The following WIPI1 variants were observed in gnomAD, a reference collection of about 807,000 sequenced individuals.
The protein encoded by WIPI1 is WD repeat domain, phosphoinositide interacting 1, also known as WD repeat domain phosphoinositide-interacting protein 1.
In WIPI1, 45 loss-of-function variants were observed where a neutral mutation model predicts 55.3. The ratio of observed to expected loss-of-function variants is 0.81; its 90% CI spans 0.64 to 1.04. The LOEUF (loss-of-function observed/expected upper bound fraction) is 1.04. WIPI1 is among the 50% of genes least tolerant of loss of function. WIPI1 has a pLI of 0.00. For synonymous variants in WIPI1, 195 were observed against 217.6 expected (o/e 0.90, Z 0.92); for missense variants, 445 against 559.0 (o/e 0.80, Z 2.06).
Position 68,444,500 on chromosome 17 carries a change from G to A in WIPI1, c.423C>T (p.Asn141=), listed in dbSNP as rs1298255095. The change falls in exon 4 of 13, where the codon AAC becomes AAT. Residue 141 remains asparagine (N), a synonymous_variant. Coordinates refer to ENST00000262139, the MANE Select transcript of WIPI1 (RefSeq NM_017983.7). Reference sequence around the variant, plus strand: ...TCCATTTTTGGAGCTCACCTGTTGGGTTTGCAGGAATATCCAGGAGGGTCT... The same window carrying A: ...TCCATTTTTGGAGCTCACCTGTTGGATTTGCAGGAATATCCAGGAGGGTCT... ...LLKTLLDIPA[N]PTGLCALSIN... 1 of 1,613,254 alleles carries A rather than the reference G, an allele frequency of 6.2e-7. No homozygotes were observed. The highest frequency in any genetic ancestry group is 8.5e-7 in the Non-Finnish European group (1 of 1,179,700).
At chr17:68,433,697 C>G (rs979183545) in intron 7 of WIPI1, 122 bp from the exon 8 acceptor site, 1 of 580,832 alleles carries the variant, frequency 1.7e-6, no homozygotes, top group African/African-American at 1.9e-5. Context: ...AGACCCAGAT[C>G]CCTTAAACAC....
intron 3 of WIPI1, among the ~76,000 whole-genome samples, chr17:68,449,708 C>T (rs896880745): frequency 1.3e-5 from 2 of 152,222 alleles, no homozygotes; most frequent in African/African-American, 4.8e-5. Flanking sequence ...GAGCCCTCCC[C>T]AGAAGCAGAT....
At chr17:68,449,085 T>TA (rs1009484555) in intron 3 of WIPI1, among the ~76,000 whole-genome samples, 17 of 152,106 alleles carry the variant, frequency 1.1e-4, no homozygotes, top group Admixed American at 5.2e-4. Flanking sequence ...TCTCATTTGT[T>TA]AAAAAAAATT....
At position 68,436,997 on chromosome 17, in the gene WIPI1, AAAAAAAAAAT is replaced by A. The variant is rs1297249311; in HGVS notation, c.431-528_431-519del. Reference sequence around the variant, plus strand: ...CTACAGAGTGAGACCCCGTCTCAAAAAAAAAAAAATATATATATATGTGTGTGTGTGTGTG... The same window carrying A: ...CTACAGAGTGAGACCCCGTCTCAAAAATATATATATGTGTGTGTGTGTGTG... On this transcript the variant is annotated intron_variant, in intron 4 of 12. Coordinates refer to ENST00000262139, the MANE Select transcript of WIPI1 (RefSeq NM_017983.7). Among the ~76,000 whole-genome samples, 16 of 59,002 alleles carry A rather than the reference AAAAAAAAAAT, an allele frequency of 2.7e-4. No homozygotes were observed. In the South Asian group the frequency reaches 5.1e-3, roughly 19 times the overall value. 38.7% of individuals were successfully genotyped at this position (59,002 alleles called of 152,430 possible). A position where few individuals can be genotyped will look rare whatever the true frequency, so the allele number is the denominator to read the frequency against.
chr17:68,422,264 A>G (rs1156887862), intron 12 of WIPI1: 1 of 160,492 alleles, frequency 6.2e-6, no homozygotes, highest in Non-Finnish European at 1.4e-5. Context: ...CATCGCTACT[A>G]AAAAATACAA....
At chr17:68,430,813 A>C (rs1435251667) in intron 8 of WIPI1, among the ~76,000 whole-genome samples, 1 of 152,200 alleles carries the variant, frequency 6.6e-6, no homozygotes, top group Non-Finnish European at 1.5e-5. Context: ...AGAGGGTGGC[A>C]CATTGAGAAC....
At chr17:68,455,547 T>C (rs566813873) in intron 1 of WIPI1, among the ~76,000 whole-genome samples, 2 of 152,294 alleles carry the variant, frequency 1.3e-5, no homozygotes, top group South Asian at 4.1e-4. Flanking sequence ...AGTAAGGGGC[T>C]TGACTTATTT....
chr17:68,432,348 C>A (rs926337684), intron 8 of WIPI1, among the ~76,000 whole-genome samples: 11 of 152,210 alleles, frequency 7.2e-5, no homozygotes, highest in African/African-American at 2.7e-4. Flanking sequence ...CTTTCTCCAA[C>A]TGGTGGCAGA....
intron 11 of WIPI1, among the ~76,000 whole-genome samples, chr17:68,426,816 T>C (rs749815453): frequency 3.9e-5 from 6 of 152,190 alleles, no homozygotes; most frequent in Non-Finnish European, 8.8e-5. Flanking sequence ...ATTACAGGTG[T>C]GAGCCAATGT....
intron 5 of WIPI1, among the ~76,000 whole-genome samples, 178 bp downstream of exon 5, chr17:68,436,204 G>A (rs1415897798): frequency 1.3e-5 from 2 of 152,186 alleles, no homozygotes; most frequent in Non-Finnish European, 2.9e-5. Flanking sequence ...GGCTTATGGT[G>A]AGGTTGACTC....
intron 11 of WIPI1, 91 bp downstream of exon 11, chr17:68,427,044 C>T (rs866298744): frequency 1.2e-5 from 13 of 1,064,548 alleles, no homozygotes; most frequent in South Asian, 9.6e-5. Flanking sequence ...CCCCAGGTAA[C>T]AGTGAAGGGG....
intron 4 of WIPI1, among the ~76,000 whole-genome samples, chr17:68,444,222 T>C (rs1434666037): frequency 6.6e-6 from 1 of 152,222 alleles, no homozygotes; most frequent in East Asian, 1.9e-4. Flanking sequence ...ATGTCTACCT[T>C]ACGTGCCTTG....
chr17:68,434,492 C>T, intron 7 of WIPI1, 64 bp downstream of exon 7: 4 of 1,572,898 alleles, frequency 2.5e-6, no homozygotes, highest in Non-Finnish European at 3.5e-6. Context: ...CCCTAGACAG[C>T]TGCCAGCGGT....
intron 4 of WIPI1, 46 bp downstream of exon 4, chr17:68,444,447 C>T (rs773074106): frequency 7.7e-6 from 12 of 1,550,946 alleles, no homozygotes; most frequent in Non-Finnish European, 1.1e-5. Context: ...AAAGAAGCAC[C>T]AGGACATGAA....
In WIPI1 at chr17:68,428,821, C is replaced by A. The variant is rs754687390; in HGVS notation, c.1073+8G>T. ...GAAAGGCTGTCTTTTGAAAAGCAGT[C>A]TCTTCACCTGTGGGTTTTGATTAAG... On this transcript the variant is annotated splice_region_variant and intron_variant, in intron 10 of 12. Transcript: ENST00000262139. 4 of 1,608,348 alleles carry A rather than the reference C, an allele frequency of 2.5e-6. No individual in the cohort carries two copies. Among genetic ancestry groups the A allele is most frequent in the Non-Finnish European group, 3.4e-6 (4 of 1,174,904 alleles).
intron 12 of WIPI1, among the ~76,000 whole-genome samples, chr17:68,425,701 C>T (rs576636621): frequency 7.2e-5 from 11 of 152,302 alleles, no homozygotes; most frequent in African/African-American, 2.6e-4. Context: ...ATTCTGCAAA[C>T]GCATCCATGG....
intron 12 of WIPI1, 94 bp from the exon 13 acceptor site, chr17:68,421,914 C>T (rs1344207031): frequency 6.6e-7 from 1 of 1,520,248 alleles, no homozygotes; most frequent in Admixed American, 1.7e-5. Context: ...GCAGAGTGAG[C>T]AGGGAGAGGC....
At chr17:68,422,718 G>GTCTCA (rs2082882126) in intron 12 of WIPI1, 1 of 108,708 alleles carries the variant, frequency 9.2e-6, no homozygotes, top group Non-Finnish European at 1.7e-5. Context: ...GACAGAGTGA[G>GTCTCA]ACTCTATCAT....
intron 3 of WIPI1, among the ~76,000 whole-genome samples, chr17:68,450,296 A>T (rs1386399678): frequency 6.6e-6 from 1 of 152,178 alleles, no homozygotes; most frequent in Non-Finnish European, 1.5e-5. Context: ...GGGAGCCCCC[A>T]CTTCACTCTC....
Sources: gnomAD v4.1 joint callset for allele counts (sites outside exome capture counted in the v4.1 genomes callset) on GRCh38, gnomAD v4.1.1 for gene constraint, MANE v1.5 for transcripts, NCBI Gene and HGNC (gene_info 2026-07-23, HGNC 2026-07-21) for gene names.